Variants in ASTN2 observed in about 807,000 individuals in gnomAD.
The protein encoded by ASTN2 is astrotactin-2.
A neutral mutation model predicts 139.8 loss-of-function variants in ASTN2; 54 were observed. That is an observed-to-expected ratio of 0.39 (90% CI 0.31 to 0.48). ASTN2 has a LOEUF of 0.48. ASTN2 is among the 20% of genes least tolerant of loss of function. ASTN2 has a pLI of 0.95. For missense variants in ASTN2, 1,565 were observed against 1,725.1 expected (o/e 0.91, Z 1.64); for synonymous variants, 756 against 719.5 (o/e 1.05, Z -0.81).
intron 16 of ASTN2, among the ~76,000 whole-genome samples, chr9:116,656,859 C>T (rs927897666): frequency 2.6e-5 from 4 of 152,136 alleles, no homozygotes; most frequent in Admixed American, 6.6e-5. Context: ...GTTCAATATT[C>T]GGCAACGGTG....
rs11302692 is a variant in ASTN2 at position 116,847,007 on chromosome 9, CAAAAAAAAAAA to C, written c.2040+16565_2040+16575del. Among the ~76,000 whole-genome samples, 3 of 75,884 alleles carry C rather than the reference CAAAAAAAAAAA, an allele frequency of 4.0e-5. No individual in the cohort carries two copies. The East Asian group carries it at 1.2e-3, about 30-fold the overall frequency. 49.8% of individuals were successfully genotyped at this position (75,884 alleles called of 152,430 possible). A position where few individuals can be genotyped will look rare whatever the true frequency, so the allele number is the denominator to read the frequency against. ...AATTATAAAGCCTTAGCTTCATTCTCAAAAAAAAAAAAAAAAAAACAAAAAACAAAAAACAA... is the reference window on the plus strand; with the variant it reads ...AATTATAAAGCCTTAGCTTCATTCTCAAAAAAAACAAAAAACAAAAAACAA... On this transcript the variant is annotated intron_variant, in intron 11 of 22. Coordinates refer to ENST00000313400, the MANE Select transcript of ASTN2 (RefSeq NM_001365068.1).
intron 16 of ASTN2, chr9:116,697,761 T>C: frequency 6.2e-7 from 1 of 1,614,082 alleles, no homozygotes; most frequent in Non-Finnish European, 8.5e-7. Flanking sequence ...AGCAGCAGCT[T>C]CTCACCTGAA....
At chr9:117,186,513 C>G (rs1020883982) in intron 3 of ASTN2, among the ~76,000 whole-genome samples, 1 of 151,970 alleles carries the variant, frequency 6.6e-6, no homozygotes, top group East Asian at 1.9e-4. Context: ...CGCCACTGCA[C>G]TCCAGCCTGG....
At chr9:116,619,616 T>C (rs1856021798) in intron 18 of ASTN2, among the ~76,000 whole-genome samples, 2 of 151,434 alleles carry the variant, frequency 1.3e-5, no homozygotes, top group East Asian at 1.9e-4. Context: ...CTTGAATTCC[T>C]GGGCTCAAGA....
intron 2 of ASTN2, among the ~76,000 whole-genome samples, chr9:117,247,378 T>C (rs530458178): frequency 1.9e-4 from 29 of 152,238 alleles, no homozygotes; most frequent in African/African-American, 6.7e-4. Flanking sequence ...AGCCCCATCA[T>C]TGATGAAGTC....
At chr9:117,279,308 C>T (rs1476232643) in intron 2 of ASTN2, among the ~76,000 whole-genome samples, 1 of 152,136 alleles carries the variant, frequency 6.6e-6, no homozygotes, top group Non-Finnish European at 1.5e-5. Flanking sequence ...ATTCTGGGCT[C>T]GGACACTGGC....
At chr9:116,540,950 A>G (rs553551426) in intron 19 of ASTN2, among the ~76,000 whole-genome samples, 3 of 152,118 alleles carry the variant, frequency 2.0e-5, no homozygotes, top group East Asian at 1.9e-4. Context: ...AATTTTTACA[A>G]AAGTTTTTCC....
chr9:116,877,321 T>C (rs1360472907), intron 10 of ASTN2, among the ~76,000 whole-genome samples: 1 of 152,178 alleles, frequency 6.6e-6, no homozygotes, highest in Non-Finnish European at 1.5e-5. Context: ...TGGGTTTTTT[T>C]TTGGCTATGC....
intron 7 of ASTN2, among the ~76,000 whole-genome samples, chr9:116,982,703 C>A (rs1363548201): frequency 6.6e-6 from 1 of 152,130 alleles, no homozygotes; most frequent in Non-Finnish European, 1.5e-5. Context: ...GTAGCTAGGA[C>A]TATAGGCACG....
At chr9:116,897,136 T>G (rs931081556) in intron 10 of ASTN2, among the ~76,000 whole-genome samples, 1 of 152,116 alleles carries the variant, frequency 6.6e-6, no homozygotes, top group Non-Finnish European at 1.5e-5. Flanking sequence ...AAAAATAACC[T>G]CAGGCAGACA....
At chr9:116,574,608 C>T (rs10983242) in intron 19 of ASTN2, among the ~76,000 whole-genome samples, 9 of 152,190 alleles carry the variant, frequency 5.9e-5, no homozygotes, top group Non-Finnish European at 5.9e-5. Context: ...GTTGGGAAGG[C>T]AGAGAAAGAC....
intron 3 of ASTN2, among the ~76,000 whole-genome samples, chr9:117,190,081 G>A (rs776370072): frequency 4.6e-5 from 7 of 152,144 alleles, no homozygotes; most frequent in Non-Finnish European, 1.0e-4. Flanking sequence ...GAGAATTTAG[G>A]TTAAGGAACT....
At chr9:117,319,568 C>T (rs1828258056) in intron 1 of ASTN2, among the ~76,000 whole-genome samples, 1 of 151,304 alleles carries the variant, frequency 6.6e-6, no homozygotes, top group African/African-American at 2.4e-5. Context: ...GCTAGGATTA[C>T]AGTCACATGC....
At chr9:116,937,615 T>C (rs991544305) in intron 10 of ASTN2, among the ~76,000 whole-genome samples, 1 of 152,188 alleles carries the variant, frequency 6.6e-6, no homozygotes, top group African/African-American at 2.4e-5. Flanking sequence ...TAAATGAGCA[T>C]GTCCAAGGAT....
In ASTN2 at chr9:116,632,148, G is replaced by C. The variant is rs1041612338; in HGVS notation, c.3073-11705C>G. Among the ~76,000 whole-genome samples, 3 of 84,062 alleles carry C rather than the reference G, an allele frequency of 3.6e-5. 1 individual carries two copies. Among genetic ancestry groups the C allele is most frequent in the African/African-American group, 1.3e-4 (3 of 22,282 alleles). The allele number at this position is 84,062 out of a possible 152,430, so 55.1% of individuals were successfully genotyped here. ...AAAAGAAGAGAGAGAGAGAGAGAGA[G>C]AGAGAGAGACAGAGAGAGAGAGAGA... On this transcript the variant is annotated intron_variant, in intron 17 of 22. Transcript: ENST00000313400.
At chr9:116,436,524 C>G (rs1847654367) in intron 22 of ASTN2, among the ~76,000 whole-genome samples, 1 of 152,132 alleles carries the variant, frequency 6.6e-6, no homozygotes, top group Non-Finnish European at 1.5e-5. Flanking sequence ...ACATAGTTTA[C>G]ATTGTAGTAG....
chr9:116,471,198 A>C (rs1011209375), intron 20 of ASTN2, among the ~76,000 whole-genome samples: 1 of 152,084 alleles, frequency 6.6e-6, no homozygotes, highest in Non-Finnish European at 1.5e-5. Context: ...AATGGTGTTA[A>C]GTTACTACAC....
rs544749515 is a variant in ASTN2, at chr9:116,544,854, T to C, written c.3356-57354A>G. On this transcript the variant is annotated intron_variant, in intron 19 of 22. Coordinates refer to ENST00000313400, the MANE Select transcript of ASTN2 (RefSeq NM_001365068.1). ...GCTGTTTTAAGGACATAAAAAGTCA[T>C]GAAGCATAAAAAGGCCTCATAGGGA... Among the ~76,000 whole-genome samples, 7 of 152,334 alleles carry C rather than the reference T, an allele frequency of 4.6e-5. No homozygotes were observed. In the South Asian group the frequency reaches 1.2e-3, roughly 27 times the overall value.
chr9:117,343,781 T>A (rs1829130342), intron 1 of ASTN2, among the ~76,000 whole-genome samples: 1 of 152,208 alleles, frequency 6.6e-6, no homozygotes, highest in African/African-American at 2.4e-5. Context: ...CCTACTAGAA[T>A]GTGCATGTTT....
Sources: gnomAD v4.1 joint callset for allele counts (sites outside exome capture counted in the v4.1 genomes callset) on GRCh38, gnomAD v4.1.1 for gene constraint, MANE v1.5 for transcripts, NCBI Gene and HGNC (gene_info 2026-07-23, HGNC 2026-07-21) for gene names.